DNM3: variants seen among roughly 807,000 people sequenced by gnomAD.
DNM3 encodes dynamin 3, also known as dynamin-3.
In DNM3, 47 loss-of-function variants were observed where a neutral mutation model predicts 101.6. That is an observed-to-expected ratio of 0.46 (90% CI 0.37 to 0.59). The LOEUF (loss-of-function observed/expected upper bound fraction) is 0.59. DNM3 is among the 20% of genes least tolerant of loss of function. DNM3 has a pLI of 0.00. For synonymous variants in DNM3, 385 were observed against 387.9 expected (o/e 0.99, Z 0.09); for missense variants, 849 against 1,085.7 (o/e 0.78, Z 3.06).
intron 15 of DNM3, among the ~76,000 whole-genome samples, chr1:172,282,417 C>G (rs2063525410): frequency 6.6e-6 from 1 of 152,036 alleles, no homozygotes; most frequent in Non-Finnish European, 1.5e-5. Context: ...AATTGAGTCC[C>G]CGAGAACTTA....
intron 14 of DNM3, among the ~76,000 whole-genome samples, chr1:172,226,406 CA>C (rs1303542536): frequency 6.6e-6 from 1 of 152,088 alleles, no homozygotes; most frequent in African/African-American, 2.4e-5. Context: ...ATTTTTAAAC[CA>C]AATAATGGAT....
intron 2 of DNM3, among the ~76,000 whole-genome samples, chr1:171,936,533 A>T (rs2041436408): frequency 6.6e-6 from 1 of 152,228 alleles, no homozygotes; most frequent in African/African-American, 2.4e-5. Context: ...AAAGGAAGAT[A>T]CTAAAATAAG....
intron 17 of DNM3, among the ~76,000 whole-genome samples, chr1:172,371,623 C>T (rs539037154): frequency 9.9e-5 from 15 of 151,892 alleles, no homozygotes; most frequent in African/African-American, 3.6e-4. Context: ...TATATTACCT[C>T]CACTTATAAG....
Position 172,410,726 on chromosome 1 carries a change from T to C in DNM3, c.*2885T>C, listed in dbSNP as rs943612174. 5.3e-5 allele frequency: 52 copies of C among 985,226 alleles called. No homozygotes were observed. The highest frequency in any genetic ancestry group is 5.9e-5 in the Non-Finnish European group (49 of 829,846). 61.0% of individuals were successfully genotyped at this position (985,226 alleles called of 1,614,324 possible). ...TTAGCAAATTTCCTATTTGTTCCAATACAAACTCACTTTATTCTAAAGTAT... is the reference window on the plus strand; with the variant it reads ...TTAGCAAATTTCCTATTTGTTCCAACACAAACTCACTTTATTCTAAAGTAT... On this transcript the variant is annotated 3_prime_UTR_variant, in exon 21 of 21. Coordinates refer to ENST00000627582, the MANE Select transcript of DNM3 (RefSeq NM_015569.5).
Position 172,412,041 on chromosome 1 carries a change from TTGTG to T in DNM3, c.*4214_*4217del, listed in dbSNP as rs35335757. The T allele has an allele frequency of 2.2e-5, 21 of 963,016 alleles. No homozygotes were observed. The Admixed American group carries it at 2.5e-4, about 11-fold the overall frequency. The allele number at this position is 963,016 out of a possible 1,614,324, so 59.7% of individuals were successfully genotyped here. A position where few individuals can be genotyped will look rare whatever the true frequency, so the allele number is the denominator to read the frequency against. ...GCATATGTAATATATGCACTGCTAT[TTGTG>T]TGTGTGTGTGTGTCTTTGTATATAT... is the stretch of plus-strand genomic sequence containing the variant. On this transcript the variant is annotated 3_prime_UTR_variant, in exon 21 of 21. Transcript: ENST00000627582.
intron 4 of DNM3, among the ~76,000 whole-genome samples, chr1:171,997,741 C>T (rs1450504818): frequency 6.6e-6 from 1 of 152,116 alleles, no homozygotes; most frequent in African/African-American, 2.4e-5. Flanking sequence ...TGTGCTGTAT[C>T]ACCTGGTAGT....
intron 10 of DNM3, among the ~76,000 whole-genome samples, chr1:172,062,507 C>A (rs1038752821): frequency 1.3e-5 from 2 of 151,950 alleles, no homozygotes; most frequent in Non-Finnish European, 2.9e-5. Flanking sequence ...AAAGTTTTTC[C>A]ATCTTATACC....
chr1:172,025,129 C>T (rs934274210), intron 4 of DNM3, among the ~76,000 whole-genome samples: 1 of 152,192 alleles, frequency 6.6e-6, no homozygotes, highest in Non-Finnish European at 1.5e-5. Flanking sequence ...GGGGCGTCTG[C>T]CATTACTGAG....
chr1:172,225,134 CT>C (rs1168334078), intron 14 of DNM3, among the ~76,000 whole-genome samples: 2,746 of 65,374 alleles, frequency 0.042, 14 homozygotes, highest in African/African-American at 0.08. Context: ...TCTTCTTCCT[CT>C]TTTTTTTTTT....
chr1:172,059,237 T>A (rs545777763), intron 10 of DNM3, among the ~76,000 whole-genome samples: 4 of 140,070 alleles, frequency 2.9e-5, no homozygotes, highest in African/African-American at 1.1e-4. Flanking sequence ...CAGGACCAGA[T>A]GGATTCACAG....
chr1:172,037,596 G>A (rs1265032393), intron 6 of DNM3, among the ~76,000 whole-genome samples: 1 of 152,002 alleles, frequency 6.6e-6, no homozygotes, highest in Non-Finnish European at 1.5e-5. Flanking sequence ...TAAACAATCT[G>A]GGTTTTTATC....
At chr1:172,102,353 A>G (rs777927250) in intron 13 of DNM3, among the ~76,000 whole-genome samples, 49 of 152,158 alleles carry the variant, frequency 3.2e-4, no homozygotes, top group Admixed American at 1.4e-3. Flanking sequence ...TTTTATTATA[A>G]TAAAATAGAG....
At chr1:171,935,659 G>T (rs1018960410) in intron 2 of DNM3, among the ~76,000 whole-genome samples, 10 of 151,182 alleles carry the variant, frequency 6.6e-5, no homozygotes, top group Non-Finnish European at 1.3e-4. Flanking sequence ...AGATCTGATT[G>T]TGTGCCTCTC....
At chr1:171,852,981 T>C (rs754599965) in intron 1 of DNM3, among the ~76,000 whole-genome samples, 17 of 152,132 alleles carry the variant, frequency 1.1e-4, no homozygotes, top group Admixed American at 3.3e-4. Flanking sequence ...GTGTTTTCTA[T>C]AGGTTATCTG....
intron 15 of DNM3, among the ~76,000 whole-genome samples, chr1:172,258,249 G>A (rs1024020188): frequency 1.3e-5 from 2 of 152,104 alleles, no homozygotes; most frequent in South Asian, 4.2e-4. Flanking sequence ...AAACATGGGA[G>A]CGCGTGTGTC....
chr1:172,085,500 G>C (rs980649105), intron 12 of DNM3, among the ~76,000 whole-genome samples: 1 of 152,042 alleles, frequency 6.6e-6, no homozygotes, highest in African/African-American at 2.4e-5. Context: ...CAGTCCAATG[G>C]TTAAAGAGAA....
chr1:171,912,707 G>GAA (rs1193769867), intron 1 of DNM3, among the ~76,000 whole-genome samples: 1 of 152,176 alleles, frequency 6.6e-6, no homozygotes, highest in Admixed American at 6.5e-5. Flanking sequence ...TTACTGGGTA[G>GAA]AAGTTAGTCA....
intron 14 of DNM3, among the ~76,000 whole-genome samples, chr1:172,150,813 A>G (rs905878905): frequency 6.6e-6 from 1 of 152,182 alleles, no homozygotes; most frequent in Non-Finnish European, 1.5e-5. Context: ...CCTGGCCCAG[A>G]GCTAAGCTTT....
chr1:171,977,439 G>A lies in DNM3; in HGVS notation c.236-10217G>A, dbSNP rs982007559. Among the ~76,000 whole-genome samples the A allele has an allele frequency of 2.6e-5, 4 of 151,920 alleles. No homozygotes were observed. In the East Asian group the frequency reaches 7.7e-4, roughly 29 times the overall value. Reference sequence around the variant, plus strand: ...TGACAACTGTAAACTTGATAGCAAGGGAAGAGACACAAGGGGAGAAAAAAA... The same window carrying A: ...TGACAACTGTAAACTTGATAGCAAGAGAAGAGACACAAGGGGAGAAAAAAA... On this transcript the variant is annotated intron_variant, in intron 2 of 20. Transcript: ENST00000627582.
Sources: allele counts gnomAD v4.1 joint callset (sites outside exome capture counted in the v4.1 genomes callset), GRCh38; gene constraint gnomAD v4.1.1; transcripts MANE v1.5; gene names NCBI Gene and HGNC (gene_info 2026-07-23, HGNC 2026-07-21).